The following SFMBT2 variants were observed in gnomAD, a reference collection of about 807,000 sequenced individuals.
The protein encoded by SFMBT2 is scm-like with four MBT domains protein 2.
In SFMBT2, 38 loss-of-function variants were observed where a neutral mutation model predicts 110.1. The observed-to-expected ratio is 0.35, with a 90% confidence interval of 0.27 to 0.45. SFMBT2 has a LOEUF of 0.45. Ranked by LOEUF, SFMBT2 falls within the 20% of genes least tolerant of loss-of-function variation. The pLI is 1.00. For synonymous variants in SFMBT2, 425 were observed against 425.4 expected (o/e 1.00, Z 0.01); for missense variants, 1,011 against 1,094.9 (o/e 0.92, Z 1.08).
chr10:7,239,922 C>T (rs1840381157), intron 9 of SFMBT2, among the ~76,000 whole-genome samples: 1 of 151,920 alleles, frequency 6.6e-6, no homozygotes, highest in South Asian at 2.1e-4. Context: ...CACCCCTGCA[C>T]CAGGATTTGC....
rs1400279911 is a variant in SFMBT2 at position 7,408,338 on chromosome 10, G to T, written c.-52+2523C>A. On this transcript the variant is annotated intron_variant, in intron 1 of 20. Transcript: ENST00000397167. The surrounding 1 kb of genome is among the most constrained non-coding windows in gnomAD (Gnocchi z 5.7). ...GGTGGGAGGGGTCACCTGCCGCGGG[G>T]TCTCCAAGCCAGTGCCGCTTGCTCC... 6.6e-6 allele frequency among the ~76,000 whole-genome samples: 1 copy of T among 152,116 alleles called. No homozygotes were observed. Among genetic ancestry groups the T allele is most frequent in the Non-Finnish European group, 1.5e-5 (1 of 68,012 alleles).
intron 1 of SFMBT2, among the ~76,000 whole-genome samples, chr10:7,394,541 C>G (rs990314255): frequency 2.0e-5 from 3 of 151,164 alleles, no homozygotes; most frequent in African/African-American, 7.3e-5. Flanking sequence ...ACGCTCACCC[C>G]CCTGGCAGCT....
chr10:7,282,459 G>A (rs147362175), intron 6 of SFMBT2, among the ~76,000 whole-genome samples: 60 of 152,250 alleles, frequency 3.9e-4, no homozygotes, highest in African/African-American at 1.4e-3. Flanking sequence ...ACAACTTTAC[G>A]CACAAAGTAA....
At chr10:7,228,398 G>C (rs1314928275) in intron 9 of SFMBT2, 1 of 804,966 alleles carries the variant, frequency 1.2e-6, no homozygotes, top group South Asian at 5.9e-5. Context: ...AAACAAAACA[G>C]TACCAGGGAC....
At chr10:7,279,280 T>C (rs61834650) in intron 6 of SFMBT2, among the ~76,000 whole-genome samples, 11,099 of 152,186 alleles carry the variant, frequency 0.073, 539 homozygotes, top group Non-Finnish European at 0.11. Flanking sequence ...GTCCACTGGA[T>C]GCCATCTCTC....
At chr10:7,324,044 T>A (rs1009268096) in intron 4 of SFMBT2, among the ~76,000 whole-genome samples, 4 of 152,176 alleles carry the variant, frequency 2.6e-5, no homozygotes, top group Non-Finnish European at 5.9e-5. Flanking sequence ...TATAAAGCAG[T>A]TTAGTGAATA....
At chr10:7,394,317 G>C (rs574416278) in intron 1 of SFMBT2, among the ~76,000 whole-genome samples, 2 of 151,714 alleles carry the variant, frequency 1.3e-5, no homozygotes, top group Admixed American at 6.6e-5. Flanking sequence ...CCTGTGCGTC[G>C]ATGCCCACCC....
At chr10:7,407,499 G>T (rs1225336174) in intron 1 of SFMBT2, among the ~76,000 whole-genome samples, 1 of 152,086 alleles carries the variant, frequency 6.6e-6, no homozygotes, top group African/African-American at 2.4e-5. Context: ...CGGCTGTGCT[G>T]CGGGAGCCCT....
intron 8 of SFMBT2, 32 bp downstream of exon 8, chr10:7,248,516 G>C: frequency 6.4e-7 from 1 of 1,566,302 alleles, no homozygotes; most frequent in East Asian, 2.2e-5. Flanking sequence ...CACTCTAGGG[G>C]CTGGGTCGAA....
chr10:7,296,329 A>C (rs1053549863), intron 4 of SFMBT2, among the ~76,000 whole-genome samples: 35 of 152,212 alleles, frequency 2.3e-4, no homozygotes, highest in African/African-American at 8.2e-4. Flanking sequence ...TAATTCTTAC[A>C]GTTCTTTTTA....
chr10:7,212,234 C>T (rs76838975), intron 11 of SFMBT2, among the ~76,000 whole-genome samples: 4,520 of 152,286 alleles, frequency 0.03, 105 homozygotes, highest in Non-Finnish European at 0.047. Context: ...TTTTAGCTTC[C>T]AGTATAAAAG....
At chr10:7,195,696 C>A (rs1378285982) in intron 15 of SFMBT2, among the ~76,000 whole-genome samples, 1 of 152,200 alleles carries the variant, frequency 6.6e-6, no homozygotes, top group Non-Finnish European at 1.5e-5. Flanking sequence ...TCCTGCTCCT[C>A]TCCCTACCAG....
intron 11 of SFMBT2, chr10:7,215,723 C>A: frequency 1.0e-6 from 1 of 985,474 alleles, no homozygotes; most frequent in Non-Finnish European, 1.2e-6. Context: ...TTTAAGCCCA[C>A]TGACTCAACT....
chr10:7,263,390 G>A (rs1841277931), intron 7 of SFMBT2, among the ~76,000 whole-genome samples: 1 of 152,216 alleles, frequency 6.6e-6, no homozygotes, highest in South Asian at 2.1e-4. Flanking sequence ...ACAGGCACGT[G>A]CCACTAATGC....
At chr10:7,181,517 C>A (rs1233329336) in intron 16 of SFMBT2, among the ~76,000 whole-genome samples, 1 of 152,162 alleles carries the variant, frequency 6.6e-6, no homozygotes, top group African/African-American at 2.4e-5. Context: ...TCCAATATTT[C>A]TGTAAGTATG....
At chr10:7,351,974 T>C (rs1172300830) in intron 4 of SFMBT2, among the ~76,000 whole-genome samples, 1 of 152,074 alleles carries the variant, frequency 6.6e-6, no homozygotes, top group Non-Finnish European at 1.5e-5. Context: ...TTGTGTCAGT[T>C]TGTCACGGTG....
chr10:7,183,627 G>C (rs952599012), intron 16 of SFMBT2, among the ~76,000 whole-genome samples: 1 of 152,182 alleles, frequency 6.6e-6, no homozygotes, highest in Non-Finnish European at 1.5e-5. Flanking sequence ...CTCCTCCCAG[G>C]AGAGAGACGT....
intron 11 of SFMBT2, among the ~76,000 whole-genome samples, chr10:7,212,565 T>C (rs1208887258): frequency 6.6e-6 from 1 of 152,230 alleles, no homozygotes. Context: ...CTAATAATAC[T>C]ATCAGCAACC....
In SFMBT2 at chr10:7,172,606, G is replaced by A. The variant is rs938565375; in HGVS notation, c.2040C>T (p.Asn680=). The A allele has an allele frequency of 8.1e-6, 13 of 1,614,108 alleles. No homozygotes were observed. Among genetic ancestry groups the A allele is most frequent in the Non-Finnish European group, 9.3e-6 (11 of 1,180,042 alleles). ...KISKPPIGES[N]PDSGHPKPAR... Reference sequence around the variant, plus strand: ...CGGGTTTGGGGTGTCCGCTGTCGGGGTTGCTTTCCCCGATGGGGGGCTTGG... The same window carrying A: ...CGGGTTTGGGGTGTCCGCTGTCGGGATTGCTTTCCCCGATGGGGGGCTTGG... The change falls in exon 18 of 21, where the codon AAC becomes AAT. Residue 680 remains asparagine, a synonymous_variant. Coordinates refer to ENST00000397167, the MANE Select transcript of SFMBT2 (RefSeq NM_001387889.1). The surrounding 1 kb of genome is among the most constrained non-coding windows in gnomAD (Gnocchi z 4.6).
Sources: gnomAD v4.1 joint callset for allele counts (sites outside exome capture counted in the v4.1 genomes callset) on GRCh38, gnomAD v4.1.1 for gene constraint, Gnocchi (gnomAD v3.1) non-coding constraint, MANE v1.5 for transcripts, NCBI Gene and HGNC (gene_info 2026-07-23, HGNC 2026-07-21) for gene names.